TTLL4: variants seen among roughly 807,000 people sequenced by gnomAD.
The protein encoded by TTLL4 is tubulin tyrosine ligase like 4, also known as tubulin monoglutamylase TTLL4.
TTLL4 carries 85 observed loss-of-function variants against 122.7 expected under a neutral mutation model. The ratio of observed to expected loss-of-function variants is 0.69; its 90% CI spans 0.58 to 0.83. TTLL4 has a LOEUF of 0.83. Among genes scored for constraint, TTLL4 ranks in the 40% least tolerant of loss-of-function variants. The probability of loss-of-function intolerance (pLI) is 0.00; values close to 1 mark genes in which losing one functional copy is unlikely to be tolerated. For synonymous variants in TTLL4, 553 were observed against 563.0 expected, an observed-to-expected ratio of 0.98 and a Z score of 0.25; for missense variants, 1,363 against 1,488.6, an observed-to-expected ratio of 0.92 and a Z score of 1.39.
chr2:218,751,243 AATT>A (rs1406364986), intron 15 of TTLL4, among the ~76,000 whole-genome samples: 1 of 152,138 alleles, frequency 6.6e-6, no homozygotes, highest in African/African-American at 2.4e-5. Context: ...ATCTTTTTAA[AATT>A]ATTATTTTTT....
chr2:218,750,469 A>G (rs748422541), intron 15 of TTLL4, among the ~76,000 whole-genome samples: 2 of 152,112 alleles, frequency 1.3e-5, no homozygotes, highest in Non-Finnish European at 2.9e-5. Context: ...GCTCTAGTGC[A>G]CTATGATGAT....
intron 2 of TTLL4, among the ~76,000 whole-genome samples, chr2:218,731,734 A>G (rs1310885877): frequency 1.3e-5 from 2 of 152,156 alleles, no homozygotes; most frequent in African/African-American, 4.8e-5. Flanking sequence ...CTTTCCCTGA[A>G]CATTCCAGCT....
chr2:218,738,059 A>T lies in TTLL4; in HGVS notation c.383A>T (p.Tyr128Phe). ...YRRSSYRQKPYQQLESFCLRS... is the reference protein window; with the variant it reads ...YRRSSYRQKPFQQLESFCLRS... ...CGCTCCAGCTATAGGCAAAAACCGT[A>T]CCAGCAACTGGAGTCTTTCTGCTTG... is the stretch of plus-strand genomic sequence containing the variant. The change falls in exon 3 of 20, where the codon TAC becomes TTC. Residue 128 changes from tyrosine (Y) to phenylalanine (F), a missense_variant. This residue lies in a region of TTLL4 where 760 missense variants were observed against 808.4 expected (regional missense o/e 0.94). Coordinates refer to ENST00000392102, the MANE Select transcript of TTLL4 (RefSeq NM_014640.5). 6.2e-7 allele frequency: 1 copy of T among 1,614,098 alleles called. No homozygotes were observed. Among genetic ancestry groups the T allele is most frequent in the Non-Finnish European group, 8.5e-7 (1 of 1,180,036 alleles).
chr2:218,714,956 C>T (rs1941816213), intron 1 of TTLL4, among the ~76,000 whole-genome samples: 1 of 151,948 alleles, frequency 6.6e-6, no homozygotes, highest in Admixed American at 6.6e-5. Context: ...AGTAATAAGC[C>T]CATTACTAAC....
chr2:218,756,072 C>T (rs140467312), downstream of TTLL4, among the ~76,000 whole-genome samples: 160 of 152,298 alleles, frequency 1.1e-3, 1 homozygote, highest in African/African-American at 3.5e-3. Context: ...CTCTTCTCCC[C>T]GCTGGCTGCA....
intron 15 of TTLL4, 127 bp downstream of exon 15, chr2:218,750,273 A>C: frequency 7.5e-7 from 1 of 1,328,688 alleles, no homozygotes; most frequent in Non-Finnish European, 1.0e-6. Context: ...TTGCCCCTAC[A>C]GTCCACTAAC....
At chr2:218,749,767 A>G (rs1942966947) in intron 14 of TTLL4, among the ~76,000 whole-genome samples, 1 of 151,988 alleles carries the variant, frequency 6.6e-6, no homozygotes, top group African/African-American at 2.4e-5. Context: ...ACGCCCAGCC[A>G]GTTGTTCTTT....
In TTLL4 at chr2:218,753,140, C is replaced by T; in HGVS notation, c.3213C>T (p.Cys1071=). The T allele has an allele frequency of 6.2e-7, 1 of 1,614,204 alleles. No individual in the cohort carries two copies. Among genetic ancestry groups the T allele is most frequent in the Non-Finnish European group, 8.5e-7 (1 of 1,180,034 alleles). The change falls in exon 18 of 20, where the codon TGC becomes TGT. Residue 1071 remains cysteine, a synonymous_variant. Transcript: ENST00000392102. ...LKGVDLLRSW[C]YKGFHMGVVS... ...GAGTAGATCTGCTCCGGAGTTGGTGCTACAAAGGGTTCCACATGGGAGTTG... is the reference window on the plus strand; with the variant it reads ...GAGTAGATCTGCTCCGGAGTTGGTGTTACAAAGGGTTCCACATGGGAGTTG...
chr2:218,713,196 A>G (rs1941763608), intron 1 of TTLL4, among the ~76,000 whole-genome samples: 2 of 152,142 alleles, frequency 1.3e-5, no homozygotes. Context: ...CCTGGGCAAC[A>G]TGGCGAAACC....
downstream of TTLL4, chr2:218,755,425 G>C (rs1943132704): frequency 6.6e-6 from 1 of 152,114 alleles, no homozygotes; most frequent in Admixed American, 6.5e-5. Flanking sequence ...AATGTTGACT[G>C]AGTGAACTGT....
rs200211665 is a variant in TTLL4 at position 218,738,357 on chromosome 2, C to T, written c.681C>T (p.Ser227=). The T allele has an allele frequency of 1.2e-6, 2 of 1,614,180 alleles. No homozygotes were observed. The highest frequency in any genetic ancestry group is 1.7e-6 in the Non-Finnish European group (2 of 1,180,046). The part of the protein sequence containing the change: ...LNNNSFMWPN[S]TPVPLLQTTQ... Reference sequence around the variant, plus strand: ...ATAATTCCTTCATGTGGCCAAATAGCACGCCAGTGCCTTTATTGCAGACCA... The same window carrying T: ...ATAATTCCTTCATGTGGCCAAATAGTACGCCAGTGCCTTTATTGCAGACCA... The change falls in exon 3 of 20, where the codon AGC becomes AGT. Residue 227 remains serine, a synonymous_variant. Transcript: ENST00000392102.
Position 218,737,671 on chromosome 2 carries a change from C to T in TTLL4, c.-6C>T. 6.4e-7 allele frequency: 1 copy of T among 1,570,992 alleles called. No homozygotes were observed. Among genetic ancestry groups the T allele is most frequent in the East Asian group, 2.3e-5 (1 of 44,442 alleles). On this transcript the variant is annotated 5_prime_UTR_variant, in exon 3 of 20. Transcript: ENST00000392102. Reference sequence around the variant, plus strand: ...TGAGACCGTGTGGCCATGATGTGGGCCCCTCATGGCCTCAGCAGGAACACA... The same window carrying T: ...TGAGACCGTGTGGCCATGATGTGGGTCCCTCATGGCCTCAGCAGGAACACA...
intron 1 of TTLL4, among the ~76,000 whole-genome samples, chr2:218,712,672 C>T (rs866079372): frequency 6.6e-6 from 1 of 152,142 alleles, no homozygotes; most frequent in Admixed American, 6.5e-5. Context: ...CAGGTGTGAG[C>T]CACCGCGCCC....
At chr2:218,711,543 CTTTA>C (rs1359846819) in intron 1 of TTLL4, among the ~76,000 whole-genome samples, 1 of 152,180 alleles carries the variant, frequency 6.6e-6, no homozygotes, top group African/African-American at 2.4e-5. Flanking sequence ...TCATCAATTC[CTTTA>C]TTTAATCATT....
At chr2:218,744,441 A>C (rs1197890686) in intron 5 of TTLL4, among the ~76,000 whole-genome samples, 1 of 152,262 alleles carries the variant, frequency 6.6e-6, no homozygotes, top group African/African-American at 2.4e-5. Flanking sequence ...TTGTTGGATT[A>C]ACAGTAGGGA....
rs762378512 is a variant in TTLL4, at chr2:218,740,574, A to C, written c.1651A>C (p.Met551Leu). 1.2e-6 allele frequency: 2 copies of C among 1,614,180 alleles called. No homozygotes were observed. The highest frequency in any genetic ancestry group is 1.7e-6 in the Non-Finnish European group (2 of 1,180,030). ...SAVSPSESVA[M>L]ISRSCMEILT... ...TGTCTCCCCCAGCGAATCGGTGGCCATGATCTCTAGGTAAGTGTGGCTGTA... is the reference window on the plus strand; with the variant it reads ...TGTCTCCCCCAGCGAATCGGTGGCCCTGATCTCTAGGTAAGTGTGGCTGTA... Residue 551 changes from methionine (M) to leucine (L), a missense_variant, in exon 5 of 20, where the codon ATG becomes CTG. Coordinates refer to ENST00000392102, the MANE Select transcript of TTLL4 (RefSeq NM_014640.5).
At chr2:218,735,525 G>A (rs1255725885) in intron 2 of TTLL4, among the ~76,000 whole-genome samples, 1 of 152,186 alleles carries the variant, frequency 6.6e-6, no homozygotes, top group African/African-American at 2.4e-5. Context: ...AGTGAGCCAT[G>A]TTTGTGCCAC....
Position 218,747,801 on chromosome 2 carries a change from C to T in TTLL4, c.2378+76C>T, listed in dbSNP as rs1426614530. On this transcript the variant is annotated intron_variant, in intron 11 of 19. Transcript: ENST00000392102. The surrounding 1 kb of genome is among the most constrained non-coding windows in gnomAD (Gnocchi z 4.7). ...CCTTGGAGGGAGGGAAACTAGAAGA[C>T]ACCAAACAGAAAAATAGTTTTTGTT... 2 of 1,572,400 alleles carry T rather than the reference C, an allele frequency of 1.3e-6. No individual in the cohort carries two copies. The highest frequency in any genetic ancestry group is 1.7e-6 in the Non-Finnish European group (2 of 1,155,144).
At chr2:218,735,914 C>T (rs1942506578) in intron 2 of TTLL4, among the ~76,000 whole-genome samples, 1 of 151,290 alleles carries the variant, frequency 6.6e-6, no homozygotes, top group South Asian at 2.1e-4. Flanking sequence ...CGTGATCCAC[C>T]TGCCTTGGCC....
Sources: gnomAD v4.1 joint callset for allele counts (sites outside exome capture counted in the v4.1 genomes callset) on GRCh38, gnomAD v4.1.1 for gene constraint, gnomAD v4.1.1 regional missense constraint, Gnocchi (gnomAD v3.1) non-coding constraint, MANE v1.5 for transcripts, NCBI Gene and HGNC (gene_info 2026-07-23, HGNC 2026-07-21) for gene names.